The following PEX5 variants were observed in gnomAD, a reference collection of about 807,000 sequenced individuals.
PEX5 encodes PTS1 receptor.
PEX5 carries 52 observed loss-of-function variants against 82.9 expected under a neutral mutation model. The observed-to-expected ratio is 0.63, with a 90% CI of 0.50 to 0.79. The LOEUF (loss-of-function observed/expected upper bound fraction) is 0.79, where lower values mean the gene tolerates loss of function less well. Among genes scored for constraint, PEX5 ranks in the 30% least tolerant of loss-of-function variants. The pLI is 0.00. For synonymous variants in PEX5, 300 were observed against 318.8 expected, an observed-to-expected ratio of 0.94 and a Z score of 0.63; for missense variants, 719 against 815.2, an observed-to-expected ratio of 0.88 and a Z score of 1.44.
At chr12:7,197,387 AATAATT>A (rs1328454072) in intron 5 of PEX5, among the ~76,000 whole-genome samples, 2 of 132,666 alleles carry the variant, frequency 1.5e-5, no homozygotes, top group South Asian at 4.8e-4. Context: ...TATACAATGT[AATAATT>A]ATATATATGT....
Position 7,208,593 on chromosome 12 carries a change from G to T in PEX5, c.1318G>T (p.Val440Leu). ...GTACACACCAGCCTATGCCCATCTG[G>T]TGACACCTGCTGAAGAAGGGGCTGG... ...LRYTPAYAHL[V>L]TPAEEGAGGA... The change falls in exon 13 of 16, where the codon GTG (valine) becomes TTG (leucine). Residue 440 changes from valine to leucine, a missense_variant. Val to Leu is a conservative substitution (Grantham distance 32). Transcript: ENST00000675855. 2 of 1,614,150 alleles carry T rather than the reference G, an allele frequency of 1.2e-6. No homozygotes were observed. The highest frequency in any genetic ancestry group is 1.7e-6 in the Non-Finnish European group (2 of 1,180,014).
intron 5 of PEX5, 74 bp from the exon 6 acceptor site, chr12:7,198,937 G>A (rs1943218016): frequency 1.3e-6 from 1 of 788,530 alleles, no homozygotes. Flanking sequence ...GTTGAATATG[G>A]GCATCTCTTT....
chr12:7,208,811 A>T, intron 13 of PEX5, 142 bp downstream of exon 13: 1 of 893,458 alleles, frequency 1.1e-6, no homozygotes, highest in Non-Finnish European at 1.8e-6. Flanking sequence ...AAGTTGAAGG[A>T]GGTCTGCATT....
intron 5 of PEX5, among the ~76,000 whole-genome samples, chr12:7,197,870 T>G (rs1389047420): frequency 6.6e-6 from 1 of 151,856 alleles, no homozygotes; most frequent in African/African-American, 2.4e-5. Context: ...GAGAGTGGAG[T>G]TCCCCCTTGG....
At chr12:7,209,882 C>G (rs1464005497) in intron 15 of PEX5, 42 bp downstream of exon 15, 9 of 1,612,236 alleles carry the variant, frequency 5.6e-6, no homozygotes, top group South Asian at 4.4e-5. Context: ...AGCTTTTTCT[C>G]CCTGCCTTTG....
At chr12:7,209,965 C>G (rs367939667) in intron 15 of PEX5, 57 bp from the exon 16 acceptor site, 2 of 1,603,142 alleles carry the variant, frequency 1.2e-6, no homozygotes. Context: ...GCTAGCTGAC[C>G]TGCTTCCTTC....
intron 1 of PEX5, 118 bp downstream of exon 1, chr12:7,189,868 C>T: frequency 4.5e-6 from 6 of 1,330,164 alleles, no homozygotes; most frequent in Non-Finnish European, 5.8e-6. Flanking sequence ...GGGAGATGGG[C>T]GGTGGGGAGC....
upstream of PEX5, chr12:7,189,148 C>T (rs1940426339): frequency 6.6e-6 from 1 of 152,196 alleles, no homozygotes; most frequent in African/African-American, 2.4e-5. Flanking sequence ...GGGCCCCTGT[C>T]TCCATGGAGA....
In PEX5 at chr12:7,208,031, A is replaced by G. The variant is rs2136230585; in HGVS notation, c.1132A>G (p.Thr378Ala). 1 of 1,613,954 alleles carries G rather than the reference A, an allele frequency of 6.2e-7. No individual in the cohort carries two copies. The highest frequency in any genetic ancestry group is 8.5e-7 in the Non-Finnish European group (1 of 1,179,816). Residue 378 changes from threonine to alanine, a missense_variant, in exon 12 of 16, where the codon ACC becomes GCC. Transcript: ENST00000675855. ...CTAGGCTTGGCAGTATCTGGGTACC[A>G]CCCAGGCAGAGAATGAACAAGAACT... ...HMEAWQYLGTTQAENEQELLA... is the reference protein window; with the variant it reads ...HMEAWQYLGTAQAENEQELLA...
rs979571207 is a variant in PEX5, at chr12:7,211,346, G to C, written c.*1123G>C. 7.5e-6 allele frequency: 1 copy of C among 133,176 alleles called. No individual in the cohort carries two copies. The highest frequency in any genetic ancestry group is 3.1e-5 in the African/African-American group (1 of 32,462). 8.2% of individuals were successfully genotyped at this position (133,176 alleles called of 1,614,324 possible). A position where few individuals can be genotyped will look rare whatever the true frequency, so the allele number is the denominator to read the frequency against. ...GTCTTTAGTAGCTAATGATCAGAGA[G>C]ATTTTTTTTTTAAACTACCATGGTC... is the stretch of plus-strand genomic sequence containing the variant. On this transcript the variant is annotated 3_prime_UTR_variant, in exon 16 of 16. Transcript: ENST00000675855.
chr12:7,214,641 C>T (rs1465634633), downstream of PEX5, among the ~76,000 whole-genome samples: 1 of 150,256 alleles, frequency 6.7e-6, no homozygotes, highest in Admixed American at 6.6e-5. Context: ...GGGTGCAGCA[C>T]ACCAGCATGG....
At chr12:7,203,793 AAGG>A (rs1159670345) in intron 10 of PEX5, among the ~76,000 whole-genome samples, 1 of 152,194 alleles carries the variant, frequency 6.6e-6, no homozygotes, top group African/African-American at 2.4e-5. Flanking sequence ...AACACCTGTG[AAGG>A]AGGTTTGCAC....
At chr12:7,200,903 TAGGGAG>T (rs370002553) in intron 6 of PEX5, among the ~76,000 whole-genome samples, 23,284 of 151,272 alleles carry the variant, frequency 0.15, 2,718 homozygotes, top group African/African-American at 0.32. Context: ...AGAGAGACCG[TAGGGAG>T]AGGGAGAGGG....
At chr12:7,208,103 G>T in intron 12 of PEX5, 23 bp downstream of exon 12, 1 of 1,562,266 alleles carries the variant, frequency 6.4e-7, no homozygotes, top group Non-Finnish European at 8.8e-7. Flanking sequence ...AAAGGTGTGG[G>T]TGAGGTGCTT....
At chr12:7,196,326 CAT>C (rs1395788200) in intron 5 of PEX5, among the ~76,000 whole-genome samples, 1 of 122,714 alleles carries the variant, frequency 8.1e-6, no homozygotes, top group Non-Finnish European at 1.6e-5. Flanking sequence ...TTATATATGT[CAT>C]AATTTATATA....
rs748004068 is a variant in PEX5, at chr12:7,210,085, T to C, written c.1782T>C (p.Gly594=). 1 of 1,613,986 alleles carries C rather than the reference T, an allele frequency of 6.2e-7. No homozygotes were observed. The highest frequency in any genetic ancestry group is 1.3e-5 in the African/African-American group (1 of 74,952). The change falls in exon 16 of 16, where the codon GGT becomes GGC. Residue 594 remains glycine (G), a synonymous_variant. Coordinates refer to ENST00000675855, the MANE Select transcript of PEX5 (RefSeq NM_001351132.2). ...AGAGGAAAAGCCGGGGCCCCCGGGG[T>C]GAAGGAGGTGCCATGTCGGAGAACA... ...NMQRKSRGPR[G]EGGAMSENIW... is the part of the protein sequence containing the mutation.
At chr12:7,194,444 T>TA (rs1451325900) in intron 5 of PEX5, among the ~76,000 whole-genome samples, 2 of 152,186 alleles carry the variant, frequency 1.3e-5, no homozygotes, top group Non-Finnish European at 2.9e-5. Flanking sequence ...CCTCAGAGTT[T>TA]ATTAGGTTTC....
downstream of PEX5, among the ~76,000 whole-genome samples, chr12:7,214,692 T>G (rs2136292665): frequency 6.7e-6 from 1 of 149,812 alleles, no homozygotes; most frequent in South Asian, 2.2e-4. Flanking sequence ...ATTGTGCACA[T>G]GTACCCTAAA....
At position 7,191,218 on chromosome 12, in the gene PEX5, T is replaced by C; in HGVS notation, c.184-8T>C. The stretch of plus-strand genomic sequence containing the variant: ...TATGGGTTCATTTCATCATTTCCCT[T>C]CTGGCAGTTGGTGGCTGAATTCCTG... On this transcript the variant is annotated splice_polypyrimidine_tract_variant and splice_region_variant and intron_variant, in intron 3 of 15. Coordinates refer to ENST00000675855, the MANE Select transcript of PEX5 (RefSeq NM_001351132.2). 6.2e-7 allele frequency: 1 copy of C among 1,614,202 alleles called. No homozygotes were observed. The highest frequency in any genetic ancestry group is 8.5e-7 in the Non-Finnish European group (1 of 1,180,036).
Sources: allele counts gnomAD v4.1 joint callset (sites outside exome capture counted in the v4.1 genomes callset), GRCh38; gene constraint gnomAD v4.1.1; transcripts MANE v1.5; gene names NCBI Gene and HGNC (gene_info 2026-07-23, HGNC 2026-07-21).